FBXL7: variants seen among roughly 807,000 people sequenced by gnomAD.
FBXL7 encodes the protein F-box and leucine rich repeat protein 7.
In FBXL7, 12 loss-of-function variants were observed where a neutral mutation model predicts 38.3. That is an observed-to-expected ratio of 0.31 (90% confidence interval 0.20 to 0.51). FBXL7 has a LOEUF of 0.51. FBXL7 is among the 20% of genes least tolerant of loss of function. The pLI is 0.98. For missense variants in FBXL7, 567 were observed against 676.4 expected, an observed-to-expected ratio of 0.84 and a Z score of 1.79; for synonymous variants, 297 against 300.9, an observed-to-expected ratio of 0.99 and a Z score of 0.13.
chr5:15,602,744 A>G (rs950803624), intron 1 of FBXL7, among the ~76,000 whole-genome samples: 1 of 152,236 alleles, frequency 6.6e-6, no homozygotes, highest in African/African-American at 2.4e-5. Flanking sequence ...CAAAAAGAAG[A>G]ATAAAATACT....
chr5:15,682,849 A>G (rs1742891321), intron 2 of FBXL7, among the ~76,000 whole-genome samples: 1 of 152,230 alleles, frequency 6.6e-6, no homozygotes, highest in Non-Finnish European at 1.5e-5. Flanking sequence ...TTCAGCTTGT[A>G]TCAGATGCTG....
chr5:15,541,670 A>G (rs1166665833), intron 1 of FBXL7, among the ~76,000 whole-genome samples: 2 of 148,300 alleles, frequency 1.3e-5, no homozygotes, highest in Admixed American at 1.4e-4. Flanking sequence ...TCAGCCTCCC[A>G]AGTAGCTGGG....
chr5:15,550,633 A>G (rs923809382), intron 1 of FBXL7, among the ~76,000 whole-genome samples: 1 of 152,216 alleles, frequency 6.6e-6, no homozygotes, highest in East Asian at 1.9e-4. Flanking sequence ...GGTTCTTTGC[A>G]AACTTCCTTA....
chr5:15,862,452 T>C (rs977863591), intron 2 of FBXL7, among the ~76,000 whole-genome samples: 1 of 152,184 alleles, frequency 6.6e-6, no homozygotes, highest in Non-Finnish European at 1.5e-5. Context: ...CAGACCTTTA[T>C]TGAACATCTA....
chr5:15,629,130 G>A (rs1287279327), intron 2 of FBXL7, among the ~76,000 whole-genome samples: 1 of 151,686 alleles, frequency 6.6e-6, no homozygotes, highest in Non-Finnish European at 1.5e-5. Flanking sequence ...AAAAAAAATT[G>A]AGAAAATTAC....
intron 2 of FBXL7, among the ~76,000 whole-genome samples, chr5:15,725,160 C>T (rs1441205032): frequency 1.3e-5 from 2 of 151,934 alleles, no homozygotes; most frequent in Non-Finnish European, 2.9e-5. Flanking sequence ...TTATTATTTT[C>T]TTCTTTCTGT....
chr5:15,796,478 GA>G lies in FBXL7; in HGVS notation c.128-131400del, dbSNP rs35098278. On this transcript the variant is annotated intron_variant, in intron 2 of 3. Transcript: ENST00000504595. Reference sequence around the variant, plus strand: ...AATATTTACCACCCATCTTGTTACAGAAAAAAAAAAAATTGCCAAGCCTTGT... The same window carrying G: ...AATATTTACCACCCATCTTGTTACAGAAAAAAAAAAATTGCCAAGCCTTGT... 5.0e-3 allele frequency among the ~76,000 whole-genome samples: 756 copies of G among 149,786 alleles called. 8 individuals are homozygous for G. The highest frequency in any genetic ancestry group is 0.016 in the African/African-American group (659 of 40,516).
chr5:15,837,237 G>A (rs1738619082), intron 2 of FBXL7, among the ~76,000 whole-genome samples: 1 of 152,120 alleles, frequency 6.6e-6, no homozygotes, highest in African/African-American at 2.4e-5. Context: ...CTTTATATTA[G>A]AAACTTAAAG....
intron 1 of FBXL7, among the ~76,000 whole-genome samples, chr5:15,612,587 C>T (rs554451903): frequency 6.6e-6 from 1 of 152,214 alleles, no homozygotes; most frequent in South Asian, 2.1e-4. Flanking sequence ...TGTACTGGTT[C>T]CCCTTTATAA....
chr5:15,588,016 T>G (rs561790585), intron 1 of FBXL7, among the ~76,000 whole-genome samples: 24 of 152,306 alleles, frequency 1.6e-4, no homozygotes, highest in African/African-American at 5.5e-4. Flanking sequence ...CTCACTGTTA[T>G]GCCAGGTTGA....
At chr5:15,607,352 A>G (rs1203000139) in intron 1 of FBXL7, 2 of 152,200 alleles carry the variant, frequency 1.3e-5, no homozygotes, top group African/African-American at 4.8e-5. Flanking sequence ...ATGATCTGGA[A>G]TAGATATCAT....
chr5:15,736,126 T>C (rs1333506752), intron 2 of FBXL7, among the ~76,000 whole-genome samples: 1 of 152,236 alleles, frequency 6.6e-6, no homozygotes, highest in Non-Finnish European at 1.5e-5. Flanking sequence ...AACTTTTGTA[T>C]TTTTAAATGA....
chr5:15,564,458 TCAAA>T (rs1738507037), intron 1 of FBXL7, among the ~76,000 whole-genome samples: 1 of 151,378 alleles, frequency 6.6e-6, no homozygotes, highest in Admixed American at 6.6e-5. Context: ...CTAGATTTTC[TCAAA>T]CAAGACAGTA....
intron 1 of FBXL7, among the ~76,000 whole-genome samples, chr5:15,607,636 C>T (rs931888449): frequency 6.6e-6 from 1 of 152,194 alleles, no homozygotes; most frequent in African/African-American, 2.4e-5. Flanking sequence ...CTGGCACGCT[C>T]TAACAGACAG....
intron 2 of FBXL7, among the ~76,000 whole-genome samples, chr5:15,796,226 C>T (rs183266381): frequency 1.2e-4 from 18 of 152,262 alleles, no homozygotes; most frequent in African/African-American, 3.8e-4. Context: ...AAATAGCCAA[C>T]AGGAAAGACC....
chr5:15,816,913 G>C (rs1738030450), intron 2 of FBXL7, among the ~76,000 whole-genome samples: 3 of 152,092 alleles, frequency 2.0e-5, no homozygotes, highest in African/African-American at 7.2e-5. Context: ...ATCCACTTTT[G>C]TTAAAAACAA....
At chr5:15,793,003 C>T (rs1406545627) in intron 2 of FBXL7, among the ~76,000 whole-genome samples, 1 of 152,178 alleles carries the variant, frequency 6.6e-6, no homozygotes, top group Non-Finnish European at 1.5e-5. Flanking sequence ...AGAAAGTCTA[C>T]TTCCAAGCCA....
chr5:15,680,019 C>T (rs937486538), intron 2 of FBXL7, among the ~76,000 whole-genome samples: 4 of 152,162 alleles, frequency 2.6e-5, no homozygotes, highest in Non-Finnish European at 4.4e-5. Context: ...AAAGTTAAGA[C>T]GTGACACAAG....
chr5:15,567,865 C>T (rs563503924), intron 1 of FBXL7, among the ~76,000 whole-genome samples: 72 of 151,858 alleles, frequency 4.7e-4, no homozygotes, highest in Admixed American at 1.8e-3. Flanking sequence ...TTTGTCCTTG[C>T]GATAGTTTGC....
Sources: gnomAD v4.1 joint callset for allele counts (sites outside exome capture counted in the v4.1 genomes callset) on GRCh38, gnomAD v4.1.1 for gene constraint, MANE v1.5 for transcripts, NCBI Gene and HGNC (gene_info 2026-07-23, HGNC 2026-07-21) for gene names.